The following EFHB variants were observed in gnomAD, a reference collection of about 807,000 sequenced individuals.
EFHB encodes EF-hand domain-containing family member B.
A neutral mutation model predicts 87.2 loss-of-function variants in EFHB; 91 were observed. That is an observed-to-expected ratio of 1.04 (90% CI 0.88 to 1.24). The LOEUF (loss-of-function observed/expected upper bound fraction) is 1.24. Among genes scored for constraint, EFHB ranks in the 50% most tolerant of loss-of-function variants. The pLI is 0.00. For missense variants in EFHB, 1,084 were observed against 998.8 expected, an observed-to-expected ratio of 1.09 and a Z score of -1.15; for synonymous variants, 325 against 333.6, an observed-to-expected ratio of 0.97 and a Z score of 0.28.
chr3:19,883,000 C>A (rs1423252003), intron 11 of EFHB, among the ~76,000 whole-genome samples: 1 of 150,414 alleles, frequency 6.6e-6, no homozygotes, highest in East Asian at 1.9e-4. Flanking sequence ...ACTTTTTTTT[C>A]TTTTTCTTTT....
intron 1 of EFHB, among the ~76,000 whole-genome samples, chr3:19,925,078 T>C (rs1207552455): frequency 6.6e-6 from 1 of 151,660 alleles, no homozygotes; most frequent in Non-Finnish European, 1.5e-5. Context: ...ACATCTCTAC[T>C]AAAAATACAA....
At chr3:19,935,654 T>C (rs1191465876), upstream of EFHB, among the ~76,000 whole-genome samples, 1 of 151,938 alleles carries the variant, frequency 6.6e-6, no homozygotes, top group East Asian at 1.9e-4. Flanking sequence ...GAGGTTGCAG[T>C]GAGCCTTGAT....
At chr3:19,918,979 C>CAAAAAAAAAAA (rs11356910) in intron 3 of EFHB, among the ~76,000 whole-genome samples, 2 of 75,984 alleles carry the variant, frequency 2.6e-5, no homozygotes, top group Non-Finnish European at 5.5e-5. Context: ...GACTCAGTCT[C>CAAAAAAAAAAA]AAAAAAAAAA....
chr3:19,924,087 AGT>A (rs1181889207), intron 1 of EFHB, among the ~76,000 whole-genome samples: 1 of 152,146 alleles, frequency 6.6e-6, no homozygotes, highest in Non-Finnish European at 1.5e-5. Context: ...AATAATAACT[AGT>A]GATGATTCTT....
At chr3:19,918,051 C>G (rs566831665) in intron 4 of EFHB, among the ~76,000 whole-genome samples, 181 bp downstream of exon 4, 45 of 152,326 alleles carry the variant, frequency 3.0e-4, no homozygotes, top group African/African-American at 9.6e-4. Flanking sequence ...CCTGCCTCTG[C>G]ATACATACAC....
chr3:19,910,160 T>C (rs1695006289), intron 5 of EFHB, among the ~76,000 whole-genome samples: 1 of 151,732 alleles, frequency 6.6e-6, no homozygotes, highest in South Asian at 2.1e-4. Flanking sequence ...GCTCTTAGGG[T>C]TCCTGATTCC....
chr3:19,925,856 A>T (rs62279146), intron 1 of EFHB, among the ~76,000 whole-genome samples: 20,903 of 152,098 alleles, frequency 0.14, 1,721 homozygotes, highest in Non-Finnish European at 0.19. Context: ...CAGCTCTCCC[A>T]CTTGCCCTTG....
At chr3:19,880,965 T>C (rs1413389283) in intron 12 of EFHB, among the ~76,000 whole-genome samples, 1 of 149,906 alleles carries the variant, frequency 6.7e-6, no homozygotes, top group African/African-American at 2.5e-5. Context: ...GCCAAAGAAA[T>C]AAAATAGTTG....
At chr3:19,908,581 AG>A (rs1262025334) in intron 5 of EFHB, among the ~76,000 whole-genome samples, 2,459 of 122,712 alleles carry the variant, frequency 0.02, 92 homozygotes, top group African/African-American at 0.075. Flanking sequence ...AGAGAGAGAG[AG>A]AGAGAGAGAG....
intron 6 of EFHB, among the ~76,000 whole-genome samples, chr3:19,900,328 C>T (rs899892979): frequency 5.3e-5 from 8 of 151,636 alleles, no homozygotes; most frequent in African/African-American, 1.9e-4. Context: ...TAACTCACAT[C>T]TAGTAAGCAA....
chr3:19,918,791 A>C (rs1298916343), intron 3 of EFHB, among the ~76,000 whole-genome samples: 1 of 149,060 alleles, frequency 6.7e-6, no homozygotes, highest in Non-Finnish European at 1.5e-5. Context: ...CCTGGCCAAC[A>C]TGGTGAAACC....
intron 11 of EFHB, among the ~76,000 whole-genome samples, chr3:19,884,100 G>A (rs551699191): frequency 7.9e-5 from 12 of 152,138 alleles, no homozygotes; most frequent in African/African-American, 1.9e-4. Context: ...TTTTAAAATC[G>A]TCTAATATTA....
chr3:19,918,246 G>A lies in EFHB; in HGVS notation c.1163C>T (p.Thr388Ile). Residue 388 changes from threonine (T) to isoleucine (I), a missense_variant, in exon 4 of 13, where the codon ACA becomes ATA. By Grantham distance (89) the Thr-to-Ile change is moderately conservative. Coordinates refer to ENST00000295824, the MANE Select transcript of EFHB (RefSeq NM_144715.4). ...GMDTTNTTFGTAVIKEYSAKD... is the reference protein window; with the variant it reads ...GMDTTNTTFGIAVIKEYSAKD... ...TTTTTTACTACCTTTGATGACTGCT[G>A]TCCCAAATGTCGTATTGGTTGTGTC... The A allele has an allele frequency of 6.3e-7, 1 of 1,595,156 alleles. No homozygotes were observed. The highest frequency in any genetic ancestry group is 2.2e-5 in the East Asian group (1 of 44,468).
At chr3:19,931,018 G>C (rs73190458) in intron 1 of EFHB, among the ~76,000 whole-genome samples, 6,588 of 152,202 alleles carry the variant, frequency 0.043, 450 homozygotes, top group African/African-American at 0.15. Flanking sequence ...AAAAAAATTA[G>C]CCGGGTGTGG....
At chr3:19,889,836 A>G (rs746878912) in intron 9 of EFHB, among the ~76,000 whole-genome samples, 17 of 152,092 alleles carry the variant, frequency 1.1e-4, no homozygotes, top group Non-Finnish European at 2.2e-4. Context: ...TGAAAATACA[A>G]AATTAGCCAG....
intron 10 of EFHB, 102 bp downstream of exon 10, chr3:19,888,342 G>T: frequency 1.7e-6 from 1 of 593,448 alleles, no homozygotes; most frequent in Non-Finnish European, 2.3e-6. Flanking sequence ...AGTAGGACCA[G>T]CCTGGGCAAC....
upstream of EFHB, among the ~76,000 whole-genome samples, chr3:19,935,461 C>T (rs1467908300): frequency 2.0e-5 from 3 of 152,008 alleles, no homozygotes; most frequent in Non-Finnish European, 4.4e-5. Context: ...CCTTTAATCC[C>T]AGCACTTTGG....
chr3:19,942,434 A>C (rs1365973580), intron 1 of EFHB: 2 of 152,394 alleles, frequency 1.3e-5, no homozygotes, highest in Non-Finnish European at 2.9e-5. Context: ...ATAACAGAGC[A>C]GCTGTCCCCA....
chr3:19,915,714 G>C (rs1372147610), intron 4 of EFHB, among the ~76,000 whole-genome samples: 3 of 151,088 alleles, frequency 2.0e-5, no homozygotes, highest in African/African-American at 7.3e-5. Flanking sequence ...GAAGTCAGGA[G>C]TTCGAGATCA....
Sources: allele counts gnomAD v4.1 joint callset (sites outside exome capture counted in the v4.1 genomes callset), GRCh38; gene constraint gnomAD v4.1.1; transcripts MANE v1.5; gene names NCBI Gene and HGNC (gene_info 2026-07-23, HGNC 2026-07-21).